Variants in GPC5 observed in about 807,000 individuals in gnomAD.
GPC5 encodes glypican-5.
A neutral mutation model predicts 53.9 loss-of-function variants in GPC5; 47 were observed. The observed-to-expected ratio is 0.87, with a 90% CI of 0.69 to 1.11. The LOEUF is 1.11. GPC5 is among the 50% of genes most tolerant of loss of function. The probability of loss-of-function intolerance (pLI) is 0.00; values close to 1 mark genes in which losing one functional copy is unlikely to be tolerated. For synonymous variants in GPC5, 286 were observed against 263.3 expected, an observed-to-expected ratio of 1.09 and a Z score of -0.84; for missense variants, 748 against 713.1, an observed-to-expected ratio of 1.05 and a Z score of -0.56.
chr13:91,682,699 A>T (rs1197247411), intron 2 of GPC5, among the ~76,000 whole-genome samples: 2 of 152,178 alleles, frequency 1.3e-5, no homozygotes, highest in Non-Finnish European at 2.9e-5. Context: ...CATTGTTCTG[A>T]GCAGTCTGTG....
At chr13:92,157,469 G>T (rs763866713) in intron 7 of GPC5, among the ~76,000 whole-genome samples, 2 of 152,110 alleles carry the variant, frequency 1.3e-5, no homozygotes, top group Non-Finnish European at 2.9e-5. Flanking sequence ...GGAGATAGGG[G>T]TTCTGTCTTG....
intron 7 of GPC5, among the ~76,000 whole-genome samples, chr13:92,637,452 C>G (rs745505393): frequency 1.3e-5 from 2 of 152,154 alleles, no homozygotes; most frequent in Non-Finnish European, 2.9e-5. Flanking sequence ...GCAGAAAAAT[C>G]TCCAGAATTC....
At chr13:92,504,827 T>G (rs1014815525) in intron 7 of GPC5, among the ~76,000 whole-genome samples, 21 of 151,914 alleles carry the variant, frequency 1.4e-4, no homozygotes, top group Admixed American at 1.4e-3. Context: ...ATCTAAAAAT[T>G]AGCTCTAAAT....
At chr13:92,107,943 G>T (rs1339268049) in intron 6 of GPC5, among the ~76,000 whole-genome samples, 1 of 152,138 alleles carries the variant, frequency 6.6e-6, no homozygotes, top group Non-Finnish European at 1.5e-5. Context: ...ATACTAATTT[G>T]TCCAAATTGC....
chr13:91,815,946 G>T (rs2138817839), intron 5 of GPC5, among the ~76,000 whole-genome samples: 1 of 152,048 alleles, frequency 6.6e-6, no homozygotes, highest in Admixed American at 6.5e-5. Context: ...ATGAAATACT[G>T]TACATGTTGA....
chr13:91,678,234 C>T (rs186082153), intron 2 of GPC5, among the ~76,000 whole-genome samples: 7 of 152,250 alleles, frequency 4.6e-5, no homozygotes, highest in African/African-American at 1.4e-4. Flanking sequence ...CTTGGCAATA[C>T]GATCTAGCAG....
rs961231678 is a variant in GPC5 at position 91,600,648 on chromosome 13, G to A, written c.326-92539G>A. Among the ~76,000 whole-genome samples the A allele has an allele frequency of 5.3e-5, 8 of 151,112 alleles. No individual in the cohort carries two copies. The South Asian group carries it at 8.4e-4, about 16-fold the overall frequency. On this transcript the variant is annotated intron_variant, in intron 2 of 7. Coordinates refer to ENST00000377067, the MANE Select transcript of GPC5 (RefSeq NM_004466.6). ...TTTTGAGATGGGGTCTCGCTCTGTC[G>A]CCCAGGCTGGAGTGCAGTGATGTGA... is the stretch of plus-strand genomic sequence containing the variant.
rs879671683 is a variant in GPC5 at position 92,732,602 on chromosome 13, T to G, written c.1562-133680T>G. 9.9e-5 allele frequency among the ~76,000 whole-genome samples: 15 copies of G among 151,548 alleles called. No individual in the cohort carries two copies. The Admixed American group carries it at 9.9e-4, about 10-fold the overall frequency. The stretch of plus-strand genomic sequence containing the variant: ...CCATTTATAACTCAAAGTTAGCAAA[T>G]GAAAGAAAACAAACAAGAAGATTGT... On this transcript the variant is annotated intron_variant, in intron 7 of 7. Coordinates refer to ENST00000377067, the MANE Select transcript of GPC5 (RefSeq NM_004466.6).
intron 7 of GPC5, among the ~76,000 whole-genome samples, chr13:92,591,940 A>T (rs1429342801): frequency 6.6e-6 from 1 of 152,162 alleles, no homozygotes; most frequent in Admixed American, 6.6e-5. Context: ...CAAGCCATTG[A>T]CCTGAGAGTC....
At chr13:92,188,880 T>C (rs1374990099) in intron 7 of GPC5, among the ~76,000 whole-genome samples, 1 of 152,182 alleles carries the variant, frequency 6.6e-6, no homozygotes, top group Non-Finnish European at 1.5e-5. Context: ...AAGCCAACAG[T>C]CCTTCTTAGC....
intron 7 of GPC5, among the ~76,000 whole-genome samples, chr13:92,613,517 AAT>A (rs1344867053): frequency 2.0e-5 from 2 of 101,546 alleles, no homozygotes; most frequent in Non-Finnish European, 3.8e-5. Flanking sequence ...TATAAAATAT[AAT>A]ATATAATTTA....
At chr13:92,672,081 G>C (rs1287573362) in intron 7 of GPC5, among the ~76,000 whole-genome samples, 2 of 152,122 alleles carry the variant, frequency 1.3e-5, no homozygotes, top group African/African-American at 4.8e-5. Flanking sequence ...AGGAAGCCAG[G>C]AATAGTTATT....
intron 6 of GPC5, among the ~76,000 whole-genome samples, chr13:92,142,933 T>C (rs919098844): frequency 7.9e-5 from 12 of 152,324 alleles, no homozygotes; most frequent in Non-Finnish European, 8.8e-5. Flanking sequence ...ATAATTGCAT[T>C]TTTAACTAAT....
At chr13:92,587,891 G>GT (rs796393205) in intron 7 of GPC5, among the ~76,000 whole-genome samples, 242 of 147,256 alleles carry the variant, frequency 1.6e-3, no homozygotes, top group Middle Eastern at 0.01. Flanking sequence ...GTTTTTTGGG[G>GT]TTTTTTTTTT....
intron 6 of GPC5, among the ~76,000 whole-genome samples, chr13:92,016,935 A>G (rs2040712750): frequency 6.6e-6 from 1 of 152,132 alleles, no homozygotes. Flanking sequence ...TATAGGGAGT[A>G]CAGTGGCCTC....
chr13:92,462,807 C>G (rs1409972574), intron 7 of GPC5, among the ~76,000 whole-genome samples: 1 of 151,134 alleles, frequency 6.6e-6, no homozygotes, highest in Non-Finnish European at 1.5e-5. Flanking sequence ...ACCTCTGCCT[C>G]CCAGGTTCAA....
chr13:92,692,070 C>T (rs1887417455), intron 7 of GPC5, among the ~76,000 whole-genome samples: 1 of 152,064 alleles, frequency 6.6e-6, no homozygotes, highest in Non-Finnish European at 1.5e-5. Context: ...TTGTTCCCAC[C>T]TTTATATCCA....
chr13:91,725,433 G>T (rs1486433296), intron 3 of GPC5, among the ~76,000 whole-genome samples: 1 of 152,140 alleles, frequency 6.6e-6, no homozygotes, highest in African/African-American at 2.4e-5. Flanking sequence ...CACCTCTAGG[G>T]AGCTGAGGTG....
At chr13:91,593,765 A>G (rs915752719) in intron 2 of GPC5, among the ~76,000 whole-genome samples, 1 of 152,198 alleles carries the variant, frequency 6.6e-6, no homozygotes, top group Admixed American at 6.5e-5. Flanking sequence ...CAGTGAAAAA[A>G]ACGAATGTTT....
Sources: allele counts gnomAD v4.1 joint callset (sites outside exome capture counted in the v4.1 genomes callset), GRCh38; gene constraint gnomAD v4.1.1; transcripts MANE v1.5; gene names NCBI Gene and HGNC (gene_info 2026-07-23, HGNC 2026-07-21).